The following CDK17 variants were observed in gnomAD, a reference collection of about 807,000 sequenced individuals.
The protein encoded by CDK17 is cyclin dependent kinase 17.
A neutral mutation model predicts 77.6 loss-of-function variants in CDK17; 24 were observed. The observed-to-expected ratio is 0.31, with a 90% CI of 0.22 to 0.44. The LOEUF (loss-of-function observed/expected upper bound fraction) is 0.44. Among genes scored for constraint, CDK17 ranks in the 20% least tolerant of loss-of-function variants. The pLI is 1.00. For missense variants in CDK17, 429 were observed against 622.5 expected (o/e 0.69, Z 3.31); for synonymous variants, 203 against 210.4 (o/e 0.96, Z 0.30).
At chr12:96,346,325 G>A (rs146691650) in intron 1 of CDK17, among the ~76,000 whole-genome samples, 4 of 152,138 alleles carry the variant, frequency 2.6e-5, no homozygotes, top group Non-Finnish European at 4.4e-5. Flanking sequence ...GGTGGCACAC[G>A]CCTGTAGTCC....
At chr12:96,387,072 C>G (rs752182940) in intron 1 of CDK17, 1 of 341,690 alleles carries the variant, frequency 2.9e-6, no homozygotes, top group Non-Finnish European at 5.8e-6. Context: ...GTCATTTTCA[C>G]GCTTTAAGAT....
At chr12:96,300,914 C>G (rs190152704) in intron 5 of CDK17, among the ~76,000 whole-genome samples, 1,538 of 139,618 alleles carry the variant, frequency 0.011, 45 homozygotes, top group Admixed American at 0.072. Flanking sequence ...ACACAGTTAA[C>G]ATTCTGTCAT....
chr12:96,320,260 G>C (rs1952797873), intron 3 of CDK17, among the ~76,000 whole-genome samples: 1 of 143,832 alleles, frequency 7.0e-6, no homozygotes, highest in African/African-American at 2.6e-5. Flanking sequence ...GGGATGTGAA[G>C]GACCTCTTCA....
intron 1 of CDK17, among the ~76,000 whole-genome samples, chr12:96,357,624 ACCTAG>A (rs1366451127): frequency 2.0e-5 from 3 of 152,168 alleles, no homozygotes; most frequent in African/African-American, 7.2e-5. Context: ...AAATTACCCT[ACCTAG>A]CCATTTGAAA....
chr12:96,299,494 G>A (rs1359640146), intron 6 of CDK17, among the ~76,000 whole-genome samples: 5 of 149,988 alleles, frequency 3.3e-5, no homozygotes, highest in South Asian at 2.1e-4. Flanking sequence ...GGTTCCAAGC[G>A]ATTCTCCTGA....
chr12:96,340,228 G>A (rs995325556), intron 1 of CDK17, among the ~76,000 whole-genome samples: 1 of 151,948 alleles, frequency 6.6e-6, no homozygotes, highest in Non-Finnish European at 1.5e-5. Flanking sequence ...CATTCTATGC[G>A]CTTCTAACTC....
At chr12:96,306,591 A>G (rs1279447605) in intron 5 of CDK17, among the ~76,000 whole-genome samples, 1 of 152,024 alleles carries the variant, frequency 6.6e-6, no homozygotes, top group African/African-American at 2.4e-5. Context: ...TTCTTTTCCT[A>G]CCTCCTTTCT....
intron 1 of CDK17, among the ~76,000 whole-genome samples, chr12:96,374,914 A>G (rs904336708): frequency 3.3e-5 from 5 of 152,162 alleles, no homozygotes; most frequent in Non-Finnish European, 7.4e-5. Context: ...TCCACCTAAG[A>G]CTTTCTCCAC....
At chr12:96,306,258 A>G (rs1199927551) in intron 5 of CDK17, among the ~76,000 whole-genome samples, 1 of 152,102 alleles carries the variant, frequency 6.6e-6, no homozygotes, top group Non-Finnish European at 1.5e-5. Context: ...TACTCATTAT[A>G]TATTGCCATT....
chr12:96,327,091 G>A (rs933086890), intron 2 of CDK17, among the ~76,000 whole-genome samples: 8 of 152,086 alleles, frequency 5.3e-5, no homozygotes, highest in African/African-American at 1.9e-4. Context: ...GTGGTTATAC[G>A]AATCAACACA....
chr12:96,307,591 C>G (rs1050916731), intron 5 of CDK17, among the ~76,000 whole-genome samples: 1 of 152,140 alleles, frequency 6.6e-6, no homozygotes, highest in Non-Finnish European at 1.5e-5. Flanking sequence ...AATGTCTTGG[C>G]CAGGCACAGT....
chr12:96,316,594 C>A (rs555752942), intron 3 of CDK17, among the ~76,000 whole-genome samples: 1 of 142,328 alleles, frequency 7.0e-6, no homozygotes, highest in Non-Finnish European at 1.5e-5. Flanking sequence ...TCTCCCAGCA[C>A]GCAGCTGGAG....
At chr12:96,307,480 T>C (rs933524928) in intron 5 of CDK17, among the ~76,000 whole-genome samples, 2 of 152,162 alleles carry the variant, frequency 1.3e-5, no homozygotes, top group Non-Finnish European at 2.9e-5. Flanking sequence ...TTGGAACAAA[T>C]ACAACCTCAA....
At chr12:96,301,954 A>G (rs1448689047) in intron 5 of CDK17, among the ~76,000 whole-genome samples, 1 of 152,188 alleles carries the variant, frequency 6.6e-6, no homozygotes, top group African/African-American at 2.4e-5. Context: ...CTGCACGTCC[A>G]ATAGTACTTA....
At chr12:96,292,979 C>G (rs1187875182) in intron 10 of CDK17, among the ~76,000 whole-genome samples, 1 of 152,120 alleles carries the variant, frequency 6.6e-6, no homozygotes, top group Non-Finnish European at 1.5e-5. Flanking sequence ...CCATTTTATA[C>G]TCTTGAAAAT....
intron 3 of CDK17, among the ~76,000 whole-genome samples, chr12:96,316,014 C>T (rs112937185): frequency 0.14 from 21,522 of 152,016 alleles, 1,710 homozygotes; most frequent in South Asian, 0.31. Flanking sequence ...ACGCAGAAGA[C>T]GGGTGATTTC....
chr12:96,303,247 T>G (rs913474569), intron 5 of CDK17: 1 of 152,122 alleles, frequency 6.6e-6, no homozygotes, highest in East Asian at 1.9e-4. Context: ...CCCACTTTCA[T>G]GAGTTCACAA....
chr12:96,354,975 T>C (rs1340398498), intron 1 of CDK17, among the ~76,000 whole-genome samples: 3 of 152,160 alleles, frequency 2.0e-5, no homozygotes, highest in Non-Finnish European at 4.4e-5. Flanking sequence ...AGTGTATTTC[T>C]ATACAGCAGC....
At chr12:96,398,995 G>C (rs1012143196) in intron 1 of CDK17, 17 of 152,238 alleles carry the variant, frequency 1.1e-4, no homozygotes, top group Non-Finnish European at 5.9e-5. Flanking sequence ...AAGGGTGGGA[G>C]GAAGAGAGAG....
Sources: gnomAD v4.1 joint callset for allele counts (sites outside exome capture counted in the v4.1 genomes callset) on GRCh38, gnomAD v4.1.1 for gene constraint, MANE v1.5 for transcripts, NCBI Gene and HGNC (gene_info 2026-07-23, HGNC 2026-07-21) for gene names.